Variants in MAST4 observed in about 807,000 individuals in gnomAD.
MAST4 encodes the protein microtubule-associated serine/threonine-protein kinase 4.
In MAST4, 89 loss-of-function variants were observed where a neutral mutation model predicts 162.7. The ratio of observed to expected loss-of-function variants is 0.55; its 90% CI spans 0.46 to 0.65. MAST4 has a LOEUF of 0.65. MAST4 is among the 30% of genes least tolerant of loss of function. The pLI is 0.00. For missense variants in MAST4, 3,153 were observed against 3,374.0 expected (o/e 0.93, Z 1.62); for synonymous variants, 1,479 against 1,361.1 (o/e 1.09, Z -1.91).
intron 1 of MAST4, among the ~76,000 whole-genome samples, chr5:66,721,527 C>T (rs1362867170): frequency 6.6e-6 from 1 of 151,702 alleles, no homozygotes; most frequent in African/African-American, 2.4e-5. Context: ...TTTGCTGGTT[C>T]TTCCTTTTCT....
chr5:66,935,333 G>A (rs1742621939), intron 4 of MAST4, among the ~76,000 whole-genome samples: 1 of 152,200 alleles, frequency 6.6e-6, no homozygotes, highest in Admixed American at 6.6e-5. Flanking sequence ...AGAAGGTGGT[G>A]TATTATCATT....
intron 4 of MAST4, among the ~76,000 whole-genome samples, chr5:66,981,080 G>A (rs556854895): frequency 2.6e-5 from 4 of 152,264 alleles, no homozygotes; most frequent in East Asian, 1.9e-4. Flanking sequence ...GAGATCGTTT[G>A]GGCATAGAAA....
chr5:67,062,408 T>A (rs1415928611), intron 5 of MAST4, among the ~76,000 whole-genome samples: 1 of 151,656 alleles, frequency 6.6e-6, no homozygotes, highest in African/African-American at 2.4e-5. Context: ...AAAAAAAAAA[T>A]GTGAGGCTGG....
At chr5:66,915,327 C>G (rs376088714) in intron 4 of MAST4, among the ~76,000 whole-genome samples, 1 of 148,732 alleles carries the variant, frequency 6.7e-6, no homozygotes, top group Non-Finnish European at 1.5e-5. Flanking sequence ...TGTGAGATTT[C>G]ATGTTTTCTT....
chr5:66,991,051 C>T (rs1750018511), intron 4 of MAST4, among the ~76,000 whole-genome samples: 1 of 152,144 alleles, frequency 6.6e-6, no homozygotes, highest in Admixed American at 6.5e-5. Flanking sequence ...CTGTCCTAAA[C>T]TGCTCTGAAG....
intron 3 of MAST4, among the ~76,000 whole-genome samples, chr5:66,816,300 C>T (rs989053094): frequency 6.6e-6 from 1 of 151,844 alleles, no homozygotes; most frequent in Non-Finnish European, 1.5e-5. Flanking sequence ...AATTCTTCTT[C>T]CGATGTGGCT....
At chr5:66,733,281 C>G (rs1254379607) in intron 1 of MAST4, among the ~76,000 whole-genome samples, 1 of 152,126 alleles carries the variant, frequency 6.6e-6, no homozygotes, top group East Asian at 1.9e-4. Flanking sequence ...CTCTCCCGCT[C>G]CCTCTAACTT....
Position 66,735,515 on chromosome 5 carries a change from GTTATATA to G in MAST4, c.364-24187_364-24181del, listed in dbSNP as rs144845077. On this transcript the variant is annotated intron_variant, in intron 1 of 28. Transcript: ENST00000403625. ...AAGAGAGGCTAGGCTAATATCTAGT[GTTATATA>G]TTATATGATACTTGCTTATTAAATA... Among the ~76,000 whole-genome samples, 1,183 of 152,240 alleles carry G rather than the reference GTTATATA, an allele frequency of 7.8e-3. 19 individuals carry two copies. Among genetic ancestry groups the G allele is most frequent in the African/African-American group, 0.026 (1,087 of 41,542 alleles).
At chr5:66,897,362 G>A (rs1044692182) in intron 3 of MAST4, among the ~76,000 whole-genome samples, 2 of 152,176 alleles carry the variant, frequency 1.3e-5, no homozygotes, top group Admixed American at 1.3e-4. Context: ...AAGTACTGCA[G>A]GGACTTTGGC....
intron 4 of MAST4, among the ~76,000 whole-genome samples, chr5:66,903,816 C>A (rs1019061449): frequency 6.6e-6 from 1 of 152,116 alleles, no homozygotes; most frequent in Non-Finnish European, 1.5e-5. Context: ...CTACATAGTG[C>A]GGACATTTGT....
Position 66,760,156 on chromosome 5 carries a change from G to C in MAST4, c.517+294G>C, listed in dbSNP as rs1204784015. Among the ~76,000 whole-genome samples the C allele has an allele frequency of 3.3e-5, 5 of 151,190 alleles. No homozygotes were observed. In the East Asian group the frequency reaches 9.7e-4, roughly 29 times the overall value. On this transcript the variant is annotated intron_variant, in intron 2 of 28. Transcript: ENST00000403625. ...AGACAGAGTCTCGCTCCGTTGCTAG[G>C]CTGGAGTGCAGTGGTGTGGCATGAT...
At chr5:67,018,059 A>G (rs898794633) in intron 4 of MAST4, among the ~76,000 whole-genome samples, 11 of 152,160 alleles carry the variant, frequency 7.2e-5, no homozygotes, top group Admixed American at 2.6e-4. Flanking sequence ...TCCTTTTTCT[A>G]TTCCATCTAG....
intron 3 of MAST4, among the ~76,000 whole-genome samples, chr5:66,815,690 G>C (rs1756684152): frequency 6.6e-6 from 1 of 152,166 alleles, no homozygotes; most frequent in African/African-American, 2.4e-5. Context: ...TATTATTTAT[G>C]ATGGCTTAGG....
At chr5:66,894,428 C>G (rs1422387933) in intron 3 of MAST4, among the ~76,000 whole-genome samples, 1 of 152,116 alleles carries the variant, frequency 6.6e-6, no homozygotes, top group East Asian at 1.9e-4. Flanking sequence ...TAATCTTGCA[C>G]CTGGTGATAA....
intron 18 of MAST4, among the ~76,000 whole-genome samples, chr5:67,136,267 A>G (rs990721641): frequency 4.6e-5 from 7 of 152,240 alleles, no homozygotes; most frequent in African/African-American, 9.6e-5. Context: ...TTGGAAGCCA[A>G]TTCTTTGAAA....
Position 67,095,769 on chromosome 5 carries a change from G to A in MAST4, c.912+94G>A. On this transcript the variant is annotated intron_variant, in intron 7 of 28. Coordinates refer to ENST00000403625, the MANE Select transcript of MAST4 (RefSeq NM_001164664.2). ...TTCTCTGGGTGTTTCCTGGTAGGGAGGAGAAGATAAATTCTGCATGTCTGC... is the reference window on the plus strand; with the variant it reads ...TTCTCTGGGTGTTTCCTGGTAGGGAAGAGAAGATAAATTCTGCATGTCTGC... 2 of 916,684 alleles carry A rather than the reference G, an allele frequency of 2.2e-6. 1 individual carries two copies. The allele number at this position is 916,684 out of a possible 1,614,324, so 56.8% of individuals were successfully genotyped here.
intron 1 of MAST4, among the ~76,000 whole-genome samples, chr5:66,623,940 A>T (rs1448407078): frequency 2.0e-5 from 3 of 152,190 alleles, no homozygotes; most frequent in Admixed American, 2.0e-4. Flanking sequence ...ACATACAAAA[A>T]CAGTGGCATA....
At chr5:66,907,778 T>C (rs1307302312) in intron 4 of MAST4, among the ~76,000 whole-genome samples, 1 of 152,202 alleles carries the variant, frequency 6.6e-6, no homozygotes, top group Non-Finnish European at 1.5e-5. Flanking sequence ...GTTTTCAACT[T>C]ACTTGAATTG....
chr5:66,961,075 T>C (rs926104448), intron 4 of MAST4, among the ~76,000 whole-genome samples: 4 of 152,208 alleles, frequency 2.6e-5, no homozygotes, highest in African/African-American at 4.8e-5. Context: ...ATTGTAGTAT[T>C]AGTATGTGAT....
Sources: allele counts gnomAD v4.1 joint callset (sites outside exome capture counted in the v4.1 genomes callset), GRCh38; gene constraint gnomAD v4.1.1; transcripts MANE v1.5; gene names NCBI Gene and HGNC (gene_info 2026-07-23, HGNC 2026-07-21).